Variants in CACNA2D3 observed in about 807,000 individuals in gnomAD.
CACNA2D3 encodes voltage-dependent calcium channel subunit alpha-2/delta-3.
In CACNA2D3, 60 loss-of-function variants were observed where a neutral mutation model predicts 160.6. The ratio of observed to expected loss-of-function variants is 0.37; its 90% confidence interval spans 0.30 to 0.46. The LOEUF (loss-of-function observed/expected upper bound fraction) is 0.46. CACNA2D3 is among the 20% of genes least tolerant of loss of function. The pLI, the probability that CACNA2D3 is intolerant of heterozygous loss-of-function variation, is 1.00. For missense variants in CACNA2D3, 1,205 were observed against 1,365.0 expected (o/e 0.88, Z 1.85); for synonymous variants, 558 against 492.9 (o/e 1.13, Z -1.75).
At chr3:54,798,786 A>G (rs939467843) in intron 13 of CACNA2D3, among the ~76,000 whole-genome samples, 2 of 152,190 alleles carry the variant, frequency 1.3e-5, no homozygotes, top group African/African-American at 4.8e-5. Context: ...GGCACATTTC[A>G]GCACACAAGA....
chr3:54,438,545 G>A (rs1700093559), intron 4 of CACNA2D3, among the ~76,000 whole-genome samples: 1 of 152,154 alleles, frequency 6.6e-6, no homozygotes, highest in African/African-American at 2.4e-5. Flanking sequence ...TGTAATTAAT[G>A]CACATTTCTT....
chr3:55,007,387 G>A (rs1186482172), intron 32 of CACNA2D3, among the ~76,000 whole-genome samples: 2 of 152,078 alleles, frequency 1.3e-5, no homozygotes, highest in African/African-American at 4.8e-5. Context: ...TGGAGAACAG[G>A]GAATCACCTT....
chr3:55,013,506 G>A (rs769289000), intron 34 of CACNA2D3, among the ~76,000 whole-genome samples: 8 of 152,198 alleles, frequency 5.3e-5, no homozygotes, highest in South Asian at 2.1e-4. Context: ...CAGACCCAGC[G>A]TAAGGAGGGA....
intron 11 of CACNA2D3, among the ~76,000 whole-genome samples, chr3:54,687,265 C>G (rs551554080): frequency 2.0e-5 from 3 of 150,606 alleles, no homozygotes; most frequent in Non-Finnish European, 4.4e-5. Context: ...CTCAGCCTCC[C>G]GAGTAGCTGG....
At chr3:54,282,319 G>C (rs775361677) in intron 2 of CACNA2D3, among the ~76,000 whole-genome samples, 4 of 152,128 alleles carry the variant, frequency 2.6e-5, no homozygotes, top group Non-Finnish European at 4.4e-5. Context: ...AGATGCTTTG[G>C]AATTGAATAA....
At chr3:54,310,303 G>A (rs1203885916) in intron 2 of CACNA2D3, among the ~76,000 whole-genome samples, 1 of 152,014 alleles carries the variant, frequency 6.6e-6, no homozygotes, top group African/African-American at 2.4e-5. Context: ...ACTTGAAAAC[G>A]TAATTGCTTT....
chr3:54,843,908 C>A (rs1698875952), intron 16 of CACNA2D3, among the ~76,000 whole-genome samples: 1 of 152,144 alleles, frequency 6.6e-6, no homozygotes, highest in Non-Finnish European at 1.5e-5. Context: ...TTTAGAAGAA[C>A]TCCACTGTGA....
At chr3:54,817,334 A>G (rs1297150509) in intron 14 of CACNA2D3, among the ~76,000 whole-genome samples, 2 of 152,226 alleles carry the variant, frequency 1.3e-5, no homozygotes, top group African/African-American at 4.8e-5. Context: ...CTCCTTTGCT[A>G]GCTTCATCAT....
chr3:54,566,945 C>T (rs1039273382), intron 6 of CACNA2D3, among the ~76,000 whole-genome samples: 1 of 152,134 alleles, frequency 6.6e-6, no homozygotes, highest in African/African-American at 2.4e-5. Flanking sequence ...CTTTTTGTTT[C>T]TTCCCTTCCA....
chr3:55,004,445 C>T (rs1363798592), intron 31 of CACNA2D3, among the ~76,000 whole-genome samples: 1 of 152,030 alleles, frequency 6.6e-6, no homozygotes, highest in East Asian at 1.9e-4. Flanking sequence ...CAGCACATTC[C>T]CTTTGGAATA....
chr3:54,226,682 C>T (rs1307980112), intron 2 of CACNA2D3, among the ~76,000 whole-genome samples: 2 of 152,034 alleles, frequency 1.3e-5, no homozygotes, highest in African/African-American at 4.8e-5. Flanking sequence ...TCCTGTCTTC[C>T]AACCCTGCTA....
intron 13 of CACNA2D3, among the ~76,000 whole-genome samples, chr3:54,801,751 A>G (rs1223137202): frequency 1.3e-5 from 2 of 152,140 alleles, no homozygotes; most frequent in Non-Finnish European, 2.9e-5. Flanking sequence ...ATGTGTTGCC[A>G]AGAAGGGTCT....
chr3:54,297,121 T>C (rs1703359757), intron 2 of CACNA2D3, among the ~76,000 whole-genome samples: 1 of 152,208 alleles, frequency 6.6e-6, no homozygotes. Flanking sequence ...ACAGCCTGGA[T>C]TTAAATCTTT....
chr3:54,610,750 C>T (rs150102887), intron 9 of CACNA2D3, among the ~76,000 whole-genome samples: 298 of 152,264 alleles, frequency 2.0e-3, no homozygotes, highest in Non-Finnish European at 2.9e-3. Context: ...CTGCCTCAGC[C>T]TCCCAAGTAG....
At chr3:54,299,131 CTTG>C (rs896842499) in intron 2 of CACNA2D3, among the ~76,000 whole-genome samples, 4 of 151,562 alleles carry the variant, frequency 2.6e-5, no homozygotes, top group African/African-American at 7.3e-5. Flanking sequence ...ACCTCACTGG[CTTG>C]TTGTGAGAAC....
chr3:54,484,145 A>G (rs1235817784), intron 4 of CACNA2D3, among the ~76,000 whole-genome samples: 1 of 152,234 alleles, frequency 6.6e-6, no homozygotes, highest in Non-Finnish European at 1.5e-5. Context: ...TACTCCCAGC[A>G]TATCACCCTT....
intron 3 of CACNA2D3, among the ~76,000 whole-genome samples, chr3:54,367,331 T>C (rs570171048): frequency 2.0e-5 from 3 of 152,316 alleles, no homozygotes; most frequent in Admixed American, 6.5e-5. Context: ...GCAGTTCTGC[T>C]CCTAGCCCCG....
intron 27 of CACNA2D3, among the ~76,000 whole-genome samples, chr3:54,946,198 C>T (rs1041448300): frequency 6.6e-6 from 1 of 152,182 alleles, no homozygotes; most frequent in Non-Finnish European, 1.5e-5. Context: ...TCTCACTTTG[C>T]CTGTTAATGC....
At chr3:54,128,334 A>T (rs1699639315) in intron 2 of CACNA2D3, among the ~76,000 whole-genome samples, 2 of 152,152 alleles carry the variant, frequency 1.3e-5, no homozygotes, top group Non-Finnish European at 2.9e-5. Flanking sequence ...ATGCGAAACC[A>T]TCACACCCGG....
Sources: allele counts gnomAD v4.1 joint callset (sites outside exome capture counted in the v4.1 genomes callset), GRCh38; gene constraint gnomAD v4.1.1; transcripts MANE v1.5; gene names NCBI Gene and HGNC (gene_info 2026-07-23, HGNC 2026-07-21).